Variants in ATP8B4 observed in about 807,000 individuals in gnomAD.
ATP8B4 encodes probable phospholipid-transporting ATPase IM.
A neutral mutation model predicts 145.6 loss-of-function variants in ATP8B4; 133 were observed. That is an observed-to-expected ratio of 0.91 (90% confidence interval 0.79 to 1.05). ATP8B4 has a LOEUF of 1.05. Ranked by LOEUF, ATP8B4 falls within the 50% of genes least tolerant of loss-of-function variation. The pLI, the probability that ATP8B4 is intolerant of heterozygous loss-of-function variation, is 0.00. For missense variants in ATP8B4, 1,458 were observed against 1,425.2 expected, an observed-to-expected ratio of 1.02 and a Z score of -0.37; for synonymous variants, 507 against 492.9, an observed-to-expected ratio of 1.03 and a Z score of -0.38.
At chr15:50,073,075 ATG>A (rs1194946716) in intron 3 of ATP8B4, among the ~76,000 whole-genome samples, 11 of 141,838 alleles carry the variant, frequency 7.8e-5, no homozygotes, top group African/African-American at 2.4e-4. Context: ...GCATATATAT[ATG>A]TGTGTGTGTA....
At chr15:50,129,819 G>T (rs543798109) in intron 1 of ATP8B4, among the ~76,000 whole-genome samples, 1 of 151,934 alleles carries the variant, frequency 6.6e-6, no homozygotes, top group African/African-American at 2.4e-5. Context: ...ATGGTGGCAC[G>T]TGCCTGTAGT....
chr15:49,906,636 G>C (rs2038656442), intron 20 of ATP8B4, among the ~76,000 whole-genome samples: 1 of 152,178 alleles, frequency 6.6e-6, no homozygotes, highest in East Asian at 1.9e-4. Context: ...GAAACTCATA[G>C]CAGCATCATT....
intron 6 of ATP8B4, among the ~76,000 whole-genome samples, chr15:50,016,771 T>C (rs1215577024): frequency 6.6e-6 from 1 of 152,200 alleles, no homozygotes; most frequent in Non-Finnish European, 1.5e-5. Context: ...CTGAAGGTTA[T>C]ATGTGGGCAG....
In ATP8B4 at chr15:49,860,092, G is replaced by GC; in HGVS notation, c.*101dup. ...AGATTTAAGTTAAGTGAGGCAATCT[G>GC]CCTGCCCCACCTCTTGCCTCAAATC... On this transcript the variant is annotated 3_prime_UTR_variant, in exon 28 of 28. Transcript: ENST00000284509. 3.6e-6 allele frequency: 5 copies of GC among 1,396,348 alleles called. No individual in the cohort carries two copies. Among genetic ancestry groups the GC allele is most frequent in the Non-Finnish European group, 4.9e-6 (5 of 1,030,880 alleles). The allele number at this position is 1,396,348 out of a possible 1,614,324, so 86.5% of individuals were successfully genotyped here.
intron 13 of ATP8B4, among the ~76,000 whole-genome samples, chr15:49,968,345 C>A (rs2044747222): frequency 1.3e-5 from 2 of 152,152 alleles, no homozygotes; most frequent in Admixed American, 1.3e-4. Flanking sequence ...CATAAAGAGT[C>A]AAGACCCACT....
intron 7 of ATP8B4, among the ~76,000 whole-genome samples, chr15:50,007,192 A>G (rs992669786): frequency 1.3e-5 from 2 of 152,216 alleles, no homozygotes; most frequent in Non-Finnish European, 2.9e-5. Flanking sequence ...CTTGCTTAAA[A>G]TTTACTGATA....
At chr15:50,107,863 G>C (rs2056759190) in intron 1 of ATP8B4, among the ~76,000 whole-genome samples, 1 of 152,114 alleles carries the variant, frequency 6.6e-6, no homozygotes, top group East Asian at 1.9e-4. Flanking sequence ...GTAGTTACAA[G>C]AAAAGAGGTT....
intron 1 of ATP8B4, among the ~76,000 whole-genome samples, chr15:50,167,793 G>C (rs1312030468): frequency 6.6e-6 from 1 of 152,136 alleles, no homozygotes; most frequent in Non-Finnish European, 1.5e-5. Flanking sequence ...CAAAAAATGG[G>C]AATAATGTTT....
intron 2 of ATP8B4, among the ~76,000 whole-genome samples, chr15:50,100,718 C>T (rs1464139236): frequency 2.0e-5 from 3 of 152,074 alleles, no homozygotes; most frequent in Non-Finnish European, 2.9e-5. Context: ...TGTAACAAGT[C>T]CAAGAAGAAG....
intron 14 of ATP8B4, among the ~76,000 whole-genome samples, chr15:49,951,263 A>T (rs1007696705): frequency 6.6e-6 from 1 of 152,088 alleles, no homozygotes; most frequent in East Asian, 1.9e-4. Flanking sequence ...GGTAATTTGC[A>T]GTCTCATTGA....
intron 1 of ATP8B4, among the ~76,000 whole-genome samples, chr15:50,134,975 T>G (rs965448726): frequency 2.6e-5 from 4 of 152,208 alleles, no homozygotes; most frequent in Non-Finnish European, 5.9e-5. Context: ...GAGGGTGAAG[T>G]TATTTTTACT....
At chr15:49,922,527 T>A (rs1463507485) in intron 17 of ATP8B4, 3 of 325,526 alleles carry the variant, frequency 9.2e-6, no homozygotes, top group African/African-American at 4.4e-5. Context: ...GGATTTTTTT[T>A]ATTTGTTTAT....
At chr15:50,074,321 C>CT (rs1361867385) in intron 2 of ATP8B4, 136 bp from the exon 3 acceptor site, 4 of 739,514 alleles carry the variant, frequency 5.4e-6, no homozygotes, top group Non-Finnish European at 8.8e-6. Context: ...AAGGTATTGG[C>CT]TTTTTCCAGT....
intron 7 of ATP8B4, among the ~76,000 whole-genome samples, chr15:50,003,083 C>CA (rs1271975080): frequency 6.6e-6 from 1 of 152,240 alleles, no homozygotes; most frequent in East Asian, 1.9e-4. Context: ...TAGTTTGAGA[C>CA]ATTAGCCTAA....
intron 10 of ATP8B4, among the ~76,000 whole-genome samples, chr15:49,986,200 C>A (rs951173611): frequency 3.3e-5 from 5 of 152,158 alleles, no homozygotes; most frequent in African/African-American, 9.7e-5. Context: ...CCATTCCAAA[C>A]AAGGTCACGG....
chr15:50,055,736 A>G (rs966926731), intron 3 of ATP8B4, among the ~76,000 whole-genome samples: 1 of 152,240 alleles, frequency 6.6e-6, no homozygotes, highest in African/African-American at 2.4e-5. Context: ...GATTATCTCT[A>G]AGCCATAAAA....
intron 20 of ATP8B4, among the ~76,000 whole-genome samples, chr15:49,907,594 C>T (rs1262234728): frequency 2.0e-5 from 3 of 152,180 alleles, no homozygotes; most frequent in Non-Finnish European, 4.4e-5. Flanking sequence ...AAGAAAGATG[C>T]GCATGGAACA....
intron 1 of ATP8B4, among the ~76,000 whole-genome samples, chr15:50,145,438 A>T (rs1259484863): frequency 6.6e-6 from 1 of 152,176 alleles, no homozygotes; most frequent in Non-Finnish European, 1.5e-5. Context: ...TTAAATTGGT[A>T]TTACCTGAAA....
intron 6 of ATP8B4, among the ~76,000 whole-genome samples, chr15:50,011,187 C>T (rs1233465637): frequency 6.6e-6 from 1 of 152,092 alleles, no homozygotes; most frequent in Non-Finnish European, 1.5e-5. Flanking sequence ...ACCTATGGTG[C>T]CAGCTTTATG....
Sources: allele counts gnomAD v4.1 joint callset (sites outside exome capture counted in the v4.1 genomes callset), GRCh38; gene constraint gnomAD v4.1.1; transcripts MANE v1.5; gene names NCBI Gene and HGNC (gene_info 2026-07-23, HGNC 2026-07-21).